The following ANO7 variants were observed in gnomAD, a reference collection of about 807,000 sequenced individuals.
ANO7 encodes anoctamin 7.
A neutral mutation model predicts 115.8 loss-of-function variants in ANO7; 114 were observed. The observed-to-expected ratio is 0.98, with a 90% CI of 0.85 to 1.15. The LOEUF (loss-of-function observed/expected upper bound fraction) is 1.15. Ranked by LOEUF, ANO7 falls within the 50% of genes most tolerant of loss-of-function variation. The pLI is 0.00. For missense variants in ANO7, 1,302 were observed against 1,201.2 expected, an observed-to-expected ratio of 1.08 and a Z score of -1.24; for synonymous variants, 550 against 498.2, an observed-to-expected ratio of 1.10 and a Z score of -1.38.
Position 241,199,405 on chromosome 2 carries a change from C to T in ANO7, c.399C>T (p.Arg133=), listed in dbSNP as rs1222016356. The T allele has an allele frequency of 6.2e-7, 1 of 1,613,822 alleles. No homozygotes were observed. The highest frequency in any genetic ancestry group is 8.5e-7 in the Non-Finnish European group (1 of 1,180,028). Residue 133 remains arginine, a synonymous_variant, in exon 5 of 25, where the codon CGC becomes CGT. Coordinates refer to ENST00000674324, the MANE Select transcript of ANO7 (RefSeq NM_001370694.2). ...AVLCYYAEDL[R]LKLPLQELPN... Reference sequence around the variant, plus strand: ...TCTGCTACTACGCCGAAGACCTGCGCCTGAAGCTGCCCTTGCAGGTACGTG... The same window carrying T: ...TCTGCTACTACGCCGAAGACCTGCGTCTGAAGCTGCCCTTGCAGGTACGTG...
intron 2 of ANO7, among the ~76,000 whole-genome samples, chr2:241,190,381 C>G (rs1300409034): frequency 4.6e-5 from 7 of 152,178 alleles, no homozygotes; most frequent in Admixed American, 2.6e-4. Flanking sequence ...TGTGGAGAAC[C>G]GAGCAGAACC....
intron 6 of ANO7, 93 bp downstream of exon 6, chr2:241,200,318 T>G: frequency 1.3e-6 from 2 of 1,490,704 alleles, no homozygotes; most frequent in Non-Finnish European, 1.8e-6. Context: ...CCCAGGACTC[T>G]CCTCACCTGG....
chr2:241,238,993 G>A, the ANO7 span, among the ~76,000 whole-genome samples: 7 of 152,326 alleles, frequency 4.6e-5, no homozygotes, highest in Non-Finnish European at 1.0e-4. The surrounding 1 kb of genome is among the most constrained non-coding windows in gnomAD (Gnocchi z 4.9). Flanking sequence ...CCTCTGAAAT[G>A]TGTCCCAGAA....
downstream of ANO7, chr2:241,230,348 A>G: frequency 1.1e-6 from 1 of 919,038 alleles, no homozygotes; most frequent in Non-Finnish European, 1.7e-6. This position sits in a 1 kb window ranked among gnomAD's most constrained non-coding sequence, Gnocchi z 5.0. Flanking sequence ...TTTCTAGTGA[A>G]GCATTTTCTG....
the ANO7 span, chr2:241,236,855 C>CTGCTGGG: frequency 7.1e-7 from 1 of 1,415,664 alleles, no homozygotes; most frequent in Non-Finnish European, 9.8e-7. Context: ...TGTGAGGCAC[C>CTGCTGGG]TGCTGGGTGC....
chr2:241,223,605 C>CT, intron 22 of ANO7, 57 bp from the exon 23 acceptor site: 10 of 1,591,838 alleles, frequency 6.3e-6, no homozygotes, highest in Non-Finnish European at 8.6e-6. Context: ...CCTGCCTGGC[C>CT]CTGTGAAGGC....
chr2:241,211,780 G>T (rs1243589075), intron 15 of ANO7, among the ~76,000 whole-genome samples: 1 of 152,148 alleles, frequency 6.6e-6, no homozygotes, highest in East Asian at 1.9e-4. Context: ...CTGCACCGGA[G>T]CCCAGTCCGC....
chr2:241,224,587 C>T lies in ANO7; in HGVS notation c.*434C>T. The T allele has an allele frequency of 5.2e-6, 1 of 191,078 alleles. No homozygotes were observed. The highest frequency in any genetic ancestry group is 1.1e-5 in the Non-Finnish European group (1 of 91,376). 11.8% of individuals were successfully genotyped at this position (191,078 alleles called of 1,614,324 possible). A position where few individuals can be genotyped will look rare whatever the true frequency, so the allele number is the denominator to read the frequency against. Reference sequence around the variant, plus strand: ...GCGCAGGGCCGTTCTCCCTCGTGTCCTCTGGACCCACCCGCCCCTTCCTGC... The same window carrying T: ...GCGCAGGGCCGTTCTCCCTCGTGTCTTCTGGACCCACCCGCCCCTTCCTGC... On this transcript the variant is annotated 3_prime_UTR_variant, in exon 25 of 25. Transcript: ENST00000674324.
At chr2:241,209,104 G>A (rs372912766) in intron 11 of ANO7, among the ~76,000 whole-genome samples, 181 bp from the exon 12 acceptor site, 21 of 152,284 alleles carry the variant, frequency 1.4e-4, no homozygotes, top group African/African-American at 2.2e-4. Flanking sequence ...AGCCGAGATC[G>A]CGCCACTGCA....
rs1194319748 is a variant in ANO7 at position 241,209,575 on chromosome 2, C to T, written c.1299C>T (p.Tyr433=). The T allele has an allele frequency of 1.1e-5, 18 of 1,603,550 alleles. No individual in the cohort carries two copies. The African/African-American group carries it at 1.9e-4, about 17-fold the overall frequency. The change falls in exon 13 of 25, where the codon TAC becomes TAT. Residue 433 remains tyrosine (Y), a synonymous_variant. Coordinates refer to ENST00000674324, the MANE Select transcript of ANO7 (RefSeq NM_001370694.2). ...PNPITGEDEP[Y]FPERSRARRM... is the part of the protein sequence containing the mutation. ...CCATCACGGGTGAGGACGAGCCCTACTTCCCTGAGAGGAGCCGCGCGCGCC... is the reference window on the plus strand; with the variant it reads ...CCATCACGGGTGAGGACGAGCCCTATTTCCCTGAGAGGAGCCGCGCGCGCC...
At position 241,218,324 on chromosome 2, in the gene ANO7, A is replaced by ACTTCACG; in HGVS notation, c.2267_2273dup (p.Ala759HisfsTer25). The ACTTCACG allele has an allele frequency of 1.9e-5, 29 of 1,518,310 alleles. No individual in the cohort carries two copies. The highest frequency in any genetic ancestry group is 2.5e-5 in the Non-Finnish European group (28 of 1,140,172). 94.1% of individuals were successfully genotyped at this position (1,518,310 alleles called of 1,614,324 possible). A position where few individuals can be genotyped will look rare whatever the true frequency, so the allele number is the denominator to read the frequency against. Reference sequence around the variant, plus strand: ...GCCCACGACCTGCGCGGCTTCCTCAACTTCACGCTGGCGCGAGCCCCGTCC... The same window carrying ACTTCACG: ...GCCCACGACCTGCGCGGCTTCCTCAACTTCACGCTTCACGCTGGCGCGAGCCCCGTCC... On this transcript the variant is annotated frameshift_variant, in exon 21 of 25. Transcript: ENST00000674324. LOFTEE classifies it high-confidence loss of function.
Position 241,218,301 on chromosome 2 carries a change from C to G in ANO7, c.2241C>G (p.Ala747=), listed in dbSNP as rs200233850. ...LPRAYYRWTR[A]HDLRGFLNFT... ...GCGCCTACTACCGGTGGACCCGCGC[C>G]CACGACCTGCGCGGCTTCCTCAACT... The change falls in exon 21 of 25, where the codon GCC becomes GCG. Residue 747 remains alanine (A), a synonymous_variant. Coordinates refer to ENST00000674324, the MANE Select transcript of ANO7 (RefSeq NM_001370694.2). The G allele has an allele frequency of 1.5e-4, 225 of 1,535,004 alleles. No individual in the cohort carries two copies. The African/African-American group carries it at 2.8e-3, about 19-fold the overall frequency.
intron 21 of ANO7, among the ~76,000 whole-genome samples, chr2:241,222,516 TAA>T (rs2069048755): frequency 6.6e-6 from 1 of 152,156 alleles, no homozygotes; most frequent in Admixed American, 6.5e-5. Context: ...TCTGGCCACT[TAA>T]AAGTTTATTC....
chr2:241,231,615 A>G, the ANO7 span, among the ~76,000 whole-genome samples: 20 of 152,260 alleles, frequency 1.3e-4, no homozygotes, highest in East Asian at 1.9e-4. Context: ...CGTGGGCCAC[A>G]GTCTGGAGGC....
At chr2:241,212,728 C>T (rs1285693361) in intron 17 of ANO7, 102 bp downstream of exon 17, 25 of 1,321,442 alleles carry the variant, frequency 1.9e-5, no homozygotes, top group African/African-American at 2.9e-5. Flanking sequence ...CTCCCACCAC[C>T]GGCTATTTCC....
downstream of ANO7, chr2:241,227,364 T>C (rs2069229450): frequency 6.6e-6 from 1 of 152,576 alleles, no homozygotes; most frequent in Non-Finnish European, 1.5e-5. Context: ...TACACATGTT[T>C]GCATATAATC....
chr2:241,229,915 G>A (rs149149076), downstream of ANO7: 34 of 1,602,212 alleles, frequency 2.1e-5, no homozygotes, highest in Non-Finnish European at 2.9e-5. Context: ...GTGTGCTGGG[G>A]GTTTCATGTA....
At chr2:241,227,652 T>G (rs1165002441), downstream of ANO7, 2 of 152,616 alleles carry the variant, frequency 1.3e-5, no homozygotes, top group Non-Finnish European at 2.9e-5. Context: ...GTGCAAAACT[T>G]GGTGAGAATT....
chr2:241,237,898 C>T, the ANO7 span, among the ~76,000 whole-genome samples: 114 of 152,312 alleles, frequency 7.5e-4, no homozygotes, highest in Middle Eastern at 3.4e-3. Flanking sequence ...ACCCTGTATT[C>T]TCAGGAAAAC....
Sources: gnomAD v4.1 joint callset for allele counts (sites outside exome capture counted in the v4.1 genomes callset) on GRCh38, gnomAD v4.1.1 for gene constraint, Gnocchi (gnomAD v3.1) non-coding constraint, MANE v1.5 for transcripts, NCBI Gene and HGNC (gene_info 2026-07-23, HGNC 2026-07-21) for gene names.